The following TJAP1 variants were observed in gnomAD, a reference collection of about 807,000 sequenced individuals.
The protein encoded by TJAP1 is tight junction associated protein 1.
In TJAP1, 27 loss-of-function variants were observed where a neutral mutation model predicts 42.0. The ratio of observed to expected loss-of-function variants is 0.64; its 90% CI spans 0.47 to 0.89. TJAP1 has a LOEUF of 0.89. TJAP1 is among the 40% of genes least tolerant of loss of function. The probability of loss-of-function intolerance (pLI) is 0.00; values close to 1 mark genes in which losing one functional copy is unlikely to be tolerated. For synonymous variants in TJAP1, 257 were observed against 288.4 expected (o/e 0.89, Z 1.10); for missense variants, 712 against 726.9 (o/e 0.98, Z 0.24).
chr6:43,499,518 C>G (rs1012055569), intron 4 of TJAP1, among the ~76,000 whole-genome samples: 1 of 152,230 alleles, frequency 6.6e-6, no homozygotes, highest in Non-Finnish European at 1.5e-5. Flanking sequence ...CACAGCTGCT[C>G]TTCATTGTCC....
At chr6:43,500,982 G>A (rs374195445) in intron 5 of TJAP1, 12 of 599,072 alleles carry the variant, frequency 2.0e-5, no homozygotes, top group South Asian at 4.2e-5. Flanking sequence ...TCAAGAGAGC[G>A]TAGAATCAGG....
In TJAP1 at chr6:43,500,281, C is replaced by CCT. The variant is rs1308567829; in HGVS notation, c.100-460_100-459dup. Among the ~76,000 whole-genome samples the CCT allele has an allele frequency of 5.3e-5, 8 of 152,318 alleles. No homozygotes were observed. In the East Asian group the frequency reaches 1.5e-3, roughly 29 times the overall value. ...CTCCCATGCACTTGTTCTTCCTGAG[C>CCT]CTCTGCAAGAGCCTGATTCTGCCTT... On this transcript the variant is annotated intron_variant, in intron 4 of 10. Transcript: ENST00000372449.
intron 2 of TJAP1, chr6:43,497,115 C>T (rs1440708741): frequency 6.6e-6 from 1 of 152,254 alleles, no homozygotes; most frequent in Admixed American, 6.5e-5. Flanking sequence ...TATTGGGAAT[C>T]ATTTGTGGTG....
At chr6:43,490,238 T>A (rs1359952363) in intron 2 of TJAP1, among the ~76,000 whole-genome samples, 1 of 152,234 alleles carries the variant, frequency 6.6e-6, no homozygotes, top group East Asian at 1.9e-4. Flanking sequence ...CACCTGCCCA[T>A]CACCAGCCTG....
chr6:43,500,464 T>G (rs1582072790), intron 4 of TJAP1: 1 of 462,128 alleles, frequency 2.2e-6, no homozygotes, highest in East Asian at 3.6e-5. Context: ...TGGGGAGAGG[T>G]AGCTTGGGTG....
chr6:43,488,543 C>A (rs1157331263), intron 2 of TJAP1, among the ~76,000 whole-genome samples: 2 of 152,238 alleles, frequency 1.3e-5, no homozygotes, highest in African/African-American at 4.8e-5. Flanking sequence ...TCACTCATTT[C>A]ATTTTTGCCT....
chr6:43,502,884 C>G, intron 8 of TJAP1: 1 of 571,040 alleles, frequency 1.8e-6, no homozygotes, highest in Non-Finnish European at 3.1e-6. Flanking sequence ...GCAGCAAGCC[C>G]AGGCTGTGGG....
intron 1 of TJAP1, 22 bp downstream of exon 1, chr6:43,477,650 G>C (rs987003615): frequency 6.6e-6 from 1 of 152,526 alleles, no homozygotes; most frequent in African/African-American, 2.4e-5. Flanking sequence ...GGTTGGAGTA[G>C]TCGGGCGGGG....
chr6:43,498,208 A>T (rs1468000562), intron 3 of TJAP1, among the ~76,000 whole-genome samples: 1 of 152,128 alleles, frequency 6.6e-6, no homozygotes. Context: ...GATTTTTTTT[A>T]AACTAACATT....
At chr6:43,496,623 C>T (rs1269364959) in intron 2 of TJAP1, among the ~76,000 whole-genome samples, 1 of 152,192 alleles carries the variant, frequency 6.6e-6, no homozygotes, top group East Asian at 1.9e-4. Flanking sequence ...GCTTCCCCAC[C>T]CTCCCTACCC....
At chr6:43,497,301 AG>A (rs1300289313) in intron 2 of TJAP1, 3 of 152,234 alleles carry the variant, frequency 2.0e-5, no homozygotes, top group Non-Finnish European at 4.4e-5. Context: ...GGGTGGACAG[AG>A]TTGCCTGGTT....
chr6:43,483,077 G>A (rs1271119710), intron 2 of TJAP1, among the ~76,000 whole-genome samples: 5 of 151,658 alleles, frequency 3.3e-5, no homozygotes, highest in African/African-American at 7.3e-5. Flanking sequence ...AACCAAGATC[G>A]TGCCATTGCA....
At chr6:43,489,763 G>GGATTC (rs1787391913) in intron 2 of TJAP1, 4 of 152,362 alleles carry the variant, frequency 2.6e-5, no homozygotes, top group Admixed American at 1.3e-4. Context: ...CTTCCATCTG[G>GGATTC]CATGGTTTCC....
chr6:43,497,867 T>G lies in TJAP1; in HGVS notation c.-121-14T>G, dbSNP rs1302446071. ...GACACCTGGTTTCCACTTTCTTCCCTTCTCTGGTTTCAGGAGCTGTGGCTA... is the reference window on the plus strand; with the variant it reads ...GACACCTGGTTTCCACTTTCTTCCCGTCTCTGGTTTCAGGAGCTGTGGCTA... On this transcript the variant is annotated splice_polypyrimidine_tract_variant and intron_variant, in intron 2 of 10. Coordinates refer to ENST00000372449, the Ensembl canonical transcript of TJAP1. 1 of 152,334 alleles carries G rather than the reference T, an allele frequency of 6.6e-6. No individual in the cohort carries two copies. The highest frequency in any genetic ancestry group is 2.4e-5 in the African/African-American group (1 of 41,466). 9.4% of individuals were successfully genotyped at this position (152,334 alleles called of 1,614,324 possible). A position where few individuals can be genotyped will look rare whatever the true frequency, so the allele number is the denominator to read the frequency against.
intron 10 of TJAP1, chr6:43,504,070 C>T (rs1008310712): frequency 2.4e-6 from 1 of 423,566 alleles, no homozygotes; most frequent in Non-Finnish European, 4.5e-6. Context: ...AGCTTCAGGC[C>T]CAAGGTTTAT....
intron 2 of TJAP1, among the ~76,000 whole-genome samples, chr6:43,496,412 C>T (rs917105786): frequency 2.0e-5 from 3 of 152,324 alleles, no homozygotes; most frequent in Non-Finnish European, 4.4e-5. Flanking sequence ...GGGAATGTGC[C>T]GTCCTTTCAG....
At chr6:43,482,004 C>T (rs1413561452) in intron 2 of TJAP1, among the ~76,000 whole-genome samples, 1 of 152,194 alleles carries the variant, frequency 6.6e-6, no homozygotes, top group Non-Finnish European at 1.5e-5. Context: ...GATGACCTTT[C>T]CTATTTGTTT....
chr6:43,493,985 C>T (rs1466822290), intron 2 of TJAP1, among the ~76,000 whole-genome samples: 1 of 152,172 alleles, frequency 6.6e-6, no homozygotes, highest in Admixed American at 6.5e-5. Flanking sequence ...TCATGCCTTA[C>T]ACCTATTCTG....
intron 2 of TJAP1, among the ~76,000 whole-genome samples, chr6:43,494,582 C>T (rs773727943): frequency 1.7e-4 from 23 of 136,742 alleles, no homozygotes; most frequent in Non-Finnish European, 3.5e-4. Context: ...CATCTGCCCT[C>T]AGTTCCTCAA....
Sources: gnomAD v4.1 joint callset for allele counts (sites outside exome capture counted in the v4.1 genomes callset) on GRCh38, gnomAD v4.1.1 for gene constraint, MANE v1.5 for transcripts, NCBI Gene and HGNC (gene_info 2026-07-23, HGNC 2026-07-21) for gene names.